The following CNTNAP5 variants were observed in gnomAD, a reference collection of about 807,000 sequenced individuals.
CNTNAP5 encodes the protein contactin-associated protein-like 5.
In CNTNAP5, 72 loss-of-function variants were observed where a neutral mutation model predicts 150.2. The observed-to-expected ratio is 0.48, with a 90% CI of 0.40 to 0.58. The LOEUF is 0.58. Among genes scored for constraint, CNTNAP5 ranks in the 20% least tolerant of loss-of-function variants. The pLI, the probability that CNTNAP5 is intolerant of heterozygous loss-of-function variation, is 0.00. For synonymous variants in CNTNAP5, 672 were observed against 619.8 expected (o/e 1.08, Z -1.25); for missense variants, 1,636 against 1,626.2 (o/e 1.01, Z -0.10).
intron 1 of CNTNAP5, among the ~76,000 whole-genome samples, chr2:124,194,255 C>A (rs1685524956): frequency 6.6e-6 from 1 of 151,622 alleles, no homozygotes; most frequent in Non-Finnish European, 1.5e-5. Context: ...AATGACTTGG[C>A]TATATCTCAT....
intron 5 of CNTNAP5, among the ~76,000 whole-genome samples, chr2:124,437,513 A>G (rs1692563100): frequency 6.6e-6 from 1 of 152,200 alleles, no homozygotes; most frequent in East Asian, 1.9e-4. Flanking sequence ...TTTAGATTAT[A>G]AAATATATAT....
At chr2:124,471,247 C>T (rs990358601) in intron 6 of CNTNAP5, among the ~76,000 whole-genome samples, 2 of 152,104 alleles carry the variant, frequency 1.3e-5, no homozygotes, top group African/African-American at 4.8e-5. Context: ...TCTATTTGAG[C>T]AGGGGTTTGT....
At chr2:124,529,058 G>T (rs114528919) in intron 10 of CNTNAP5, among the ~76,000 whole-genome samples, 27,228 of 140,588 alleles carry the variant, frequency 0.19, 2,956 homozygotes, top group Non-Finnish European at 0.25. Context: ...CTTCTGCTTT[G>T]TTTTTTTTTT....
chr2:124,641,983 CTAT>C (rs1170559527), intron 12 of CNTNAP5, among the ~76,000 whole-genome samples: 1 of 152,110 alleles, frequency 6.6e-6, no homozygotes, highest in Non-Finnish European at 1.5e-5. Context: ...TCTGTAATTA[CTAT>C]TATTAATAAT....
intron 13 of CNTNAP5, among the ~76,000 whole-genome samples, chr2:124,664,802 T>A (rs564014863): frequency 2.8e-4 from 43 of 152,328 alleles, no homozygotes; most frequent in African/African-American, 9.9e-4. Flanking sequence ...TTCTTCTGCT[T>A]CAGCCTCCCG....
intron 1 of CNTNAP5, among the ~76,000 whole-genome samples, chr2:124,132,822 C>T (rs1683886124): frequency 6.6e-6 from 1 of 152,100 alleles, no homozygotes; most frequent in Admixed American, 6.6e-5. Context: ...AGTACCTTGG[C>T]ATGTTCAATA....
chr2:124,910,211 G>A (rs759028971), intron 22 of CNTNAP5, among the ~76,000 whole-genome samples: 3 of 152,012 alleles, frequency 2.0e-5, no homozygotes, highest in Non-Finnish European at 4.4e-5. Flanking sequence ...TGTGTGGCAA[G>A]TGCTGTGGTA....
chr2:124,533,071 C>T (rs1318749154), intron 10 of CNTNAP5, among the ~76,000 whole-genome samples: 1 of 151,932 alleles, frequency 6.6e-6, no homozygotes, highest in Non-Finnish European at 1.5e-5. Flanking sequence ...TGTGACCCCC[C>T]TTGGACTTTG....
chr2:124,159,854 G>C (rs1270807039), intron 1 of CNTNAP5, among the ~76,000 whole-genome samples: 2 of 152,120 alleles, frequency 1.3e-5, no homozygotes, highest in African/African-American at 4.8e-5. Flanking sequence ...AAGAAAAATT[G>C]TTCATCCAAG....
intron 13 of CNTNAP5, among the ~76,000 whole-genome samples, chr2:124,706,775 A>AGAG: frequency 5.4e-5 from 2 of 36,814 alleles, no homozygotes; most frequent in Non-Finnish European, 1.1e-4. Flanking sequence ...AAGAAGAAGA[A>AGAG]GAAGAAGAAG....
At chr2:124,805,227 G>A (rs186149930) in intron 19 of CNTNAP5, among the ~76,000 whole-genome samples, 2 of 152,228 alleles carry the variant, frequency 1.3e-5, no homozygotes, top group East Asian at 3.9e-4. Flanking sequence ...GCATGAAAAC[G>A]AAACCTTTTA....
chr2:124,444,924 G>A (rs1361379587), intron 5 of CNTNAP5, among the ~76,000 whole-genome samples: 4 of 152,104 alleles, frequency 2.6e-5, no homozygotes, highest in Admixed American at 2.0e-4. Context: ...TGTGCACTGA[G>A]TGCTGGAAAC....
intron 11 of CNTNAP5, among the ~76,000 whole-genome samples, chr2:124,573,314 A>T (rs1696207707): frequency 6.6e-6 from 1 of 152,216 alleles, no homozygotes; most frequent in African/African-American, 2.4e-5. Context: ...TCCCTCAGTC[A>T]TATCCTACAT....
intron 13 of CNTNAP5, among the ~76,000 whole-genome samples, chr2:124,731,691 C>T (rs979533819): frequency 6.6e-6 from 1 of 151,610 alleles, no homozygotes; most frequent in Non-Finnish European, 1.5e-5. Flanking sequence ...TAAGAAAAAT[C>T]ATATAGGTGT....
chr2:124,770,384 G>A (rs1172526769), intron 16 of CNTNAP5, among the ~76,000 whole-genome samples: 1 of 152,106 alleles, frequency 6.6e-6, no homozygotes, highest in African/African-American at 2.4e-5. Context: ...AGGGGGCAAG[G>A]CTAGTCACAG....
intron 2 of CNTNAP5, among the ~76,000 whole-genome samples, chr2:124,226,553 G>C (rs954571152): frequency 6.6e-6 from 1 of 151,954 alleles, no homozygotes; most frequent in Non-Finnish European, 1.5e-5. Context: ...TTGATAGTTT[G>C]CCTTTTAATT....
intron 22 of CNTNAP5, among the ~76,000 whole-genome samples, chr2:124,907,672 A>C (rs1010097409): frequency 6.6e-6 from 1 of 150,620 alleles, no homozygotes; most frequent in Non-Finnish European, 1.5e-5. Flanking sequence ...TGAGAGGGGG[A>C]TTAAAACTAA....
intron 1 of CNTNAP5, among the ~76,000 whole-genome samples, chr2:124,125,151 C>T (rs973538235): frequency 1.3e-5 from 2 of 152,160 alleles, no homozygotes; most frequent in East Asian, 1.9e-4. Flanking sequence ...CATCAGTGTG[C>T]TGTATTCAGG....
chr2:124,763,923 T>C (rs1405634683), intron 15 of CNTNAP5, 54 bp from the exon 16 acceptor site: 2 of 1,598,902 alleles, frequency 1.3e-6, no homozygotes, highest in Non-Finnish European at 1.7e-6. Context: ...TCCAGTGCTT[T>C]CCCATACCCC....
Sources: allele counts gnomAD v4.1 joint callset (sites outside exome capture counted in the v4.1 genomes callset), GRCh38; gene constraint gnomAD v4.1.1; transcripts MANE v1.5; gene names NCBI Gene and HGNC (gene_info 2026-07-23, HGNC 2026-07-21).